KIAA1958: variants seen among roughly 807,000 people sequenced by gnomAD.
KIAA1958 encodes the protein KIAA1958.
KIAA1958 carries 14 observed loss-of-function variants against 47.2 expected under a neutral mutation model. The ratio of observed to expected loss-of-function variants is 0.30; its 90% CI spans 0.20 to 0.46. KIAA1958 has a LOEUF of 0.46. Among genes scored for constraint, KIAA1958 ranks in the 20% least tolerant of loss-of-function variants. KIAA1958 has a pLI of 1.00. For missense variants in KIAA1958, 803 were observed against 909.2 expected (o/e 0.88, Z 1.50); for synonymous variants, 354 against 353.3 (o/e 1.00, Z -0.02).
intron 1 of KIAA1958, among the ~76,000 whole-genome samples, chr9:112,543,214 G>GTTT (rs1165702930): frequency 2.7e-5 from 3 of 112,098 alleles, no homozygotes; most frequent in African/African-American, 6.8e-5. Context: ...TAGCCTATTT[G>GTTT]TTTTTGTTGT....
intron 2 of KIAA1958, among the ~76,000 whole-genome samples, chr9:112,575,696 C>T (rs531923367): frequency 4.6e-5 from 7 of 152,080 alleles, no homozygotes; most frequent in African/African-American, 1.2e-4. Context: ...GCCAACTTGA[C>T]GTTGCTATTC....
At chr9:112,545,327 C>A (rs947103922) in intron 1 of KIAA1958, among the ~76,000 whole-genome samples, 2 of 152,142 alleles carry the variant, frequency 1.3e-5, no homozygotes, top group African/African-American at 4.8e-5. Flanking sequence ...TACCTATATT[C>A]ACCTTTTGAC....
At chr9:112,601,101 G>A (rs62568632) in intron 2 of KIAA1958, among the ~76,000 whole-genome samples, 1 of 152,072 alleles carries the variant, frequency 6.6e-6, no homozygotes, top group African/African-American at 2.4e-5. Flanking sequence ...CCCTGAAAGG[G>A]GTCAGCTAAG....
rs1417308485 is a variant in KIAA1958 at position 112,661,417 on chromosome 9, T to C, written c.*1348T>C. 1 of 152,078 alleles carries C rather than the reference T, an allele frequency of 6.6e-6. No homozygotes were observed. The highest frequency in any genetic ancestry group is 2.4e-5 in the African/African-American group (1 of 41,306). The allele number at this position is 152,078 out of a possible 1,614,324, so 9.4% of individuals were successfully genotyped here. ...CAATAATTTCTAGGGACCTTGACTT[T>C]GCATTTGAGGAAAATCTTGTGTAAC... On this transcript the variant is annotated 3_prime_UTR_variant, in exon 4 of 4. Transcript: ENST00000337530.
rs1005394731 is a variant in KIAA1958, at chr9:112,660,275, C to T, written c.*206C>T. On this transcript the variant is annotated 3_prime_UTR_variant, in exon 4 of 4. Coordinates refer to ENST00000337530, the MANE Select transcript of KIAA1958 (RefSeq NM_133465.4). ...GTCTAAATCATTCGGATGGTTTATC[C>T]AAATGTGCGTCAACTTCGTTAGCTT... 44 of 578,688 alleles carry T rather than the reference C, an allele frequency of 7.6e-5. No individual in the cohort carries two copies. Among genetic ancestry groups the T allele is most frequent in the Non-Finnish European group, 1.2e-4 (40 of 324,584 alleles). 35.8% of individuals were successfully genotyped at this position (578,688 alleles called of 1,614,324 possible). A position where few individuals can be genotyped will look rare whatever the true frequency, so the allele number is the denominator to read the frequency against.
chr9:112,634,970 A>T (rs530253836), intron 2 of KIAA1958, among the ~76,000 whole-genome samples: 3 of 151,644 alleles, frequency 2.0e-5, no homozygotes, highest in Admixed American at 6.6e-5. Context: ...TTTTTTGTTT[A>T]TGATGTGAGG....
At chr9:112,541,405 C>T (rs1306611472) in intron 1 of KIAA1958, among the ~76,000 whole-genome samples, 1 of 150,928 alleles carries the variant, frequency 6.6e-6, no homozygotes, top group African/African-American at 2.4e-5. Flanking sequence ...AAAAATAATA[C>T]CCAAAGGTAG....
intron 1 of KIAA1958, among the ~76,000 whole-genome samples, chr9:112,572,835 A>T (rs920609254): frequency 6.6e-6 from 1 of 152,180 alleles, no homozygotes; most frequent in African/African-American, 2.4e-5. Context: ...AAGGATTTGA[A>T]CTTACCTAAC....
In KIAA1958 at chr9:112,643,746, A is replaced by G. The variant is rs74532580; in HGVS notation, c.1172-1904A>G. Among the ~76,000 whole-genome samples, 480 of 152,340 alleles carry G rather than the reference A, an allele frequency of 3.2e-3. 5 individuals carry two copies. Among genetic ancestry groups the G allele is most frequent in the African/African-American group, 0.011 (451 of 41,570 alleles). ...AAGAGACCTTCTGGACACAATGAGA[A>G]CACACTCCTAAAAAATAGTAAAGCA... On this transcript the variant is annotated intron_variant, in intron 2 of 3. Transcript: ENST00000337530.
At chr9:112,638,695 TTCTC>T (rs999036698) in intron 2 of KIAA1958, among the ~76,000 whole-genome samples, 22 of 152,190 alleles carry the variant, frequency 1.4e-4, no homozygotes, top group African/African-American at 4.8e-4. Flanking sequence ...TACTTCCCCA[TTCTC>T]TCTTCTCTTT....
chr9:112,520,271 A>C (rs527501799), intron 1 of KIAA1958, among the ~76,000 whole-genome samples: 1 of 152,384 alleles, frequency 6.6e-6, no homozygotes, highest in East Asian at 1.9e-4. Flanking sequence ...GAGTAGAAGC[A>C]CTACCTTCAG....
intron 3 of KIAA1958, among the ~76,000 whole-genome samples, chr9:112,650,753 G>T (rs1271940772): frequency 1.3e-5 from 2 of 152,146 alleles, no homozygotes. Flanking sequence ...TGTCGGACTG[G>T]ATTTTTTAAA....
At chr9:112,560,386 G>A (rs1835307418) in intron 1 of KIAA1958, among the ~76,000 whole-genome samples, 1 of 151,684 alleles carries the variant, frequency 6.6e-6, no homozygotes. Flanking sequence ...ATGTTTTATA[G>A]AGAAAGGGTC....
chr9:112,547,032 AAGC>A (rs143758155), intron 1 of KIAA1958, among the ~76,000 whole-genome samples: 144,706 of 151,602 alleles, frequency 0.95, 69,133 homozygotes, highest in African/African-American at 0.99. Flanking sequence ...TCCTGGGTTC[AAGC>A]GATTCTCCTG....
chr9:112,515,353 T>C (rs1834407078), intron 1 of KIAA1958, among the ~76,000 whole-genome samples: 1 of 145,362 alleles, frequency 6.9e-6, no homozygotes, highest in Non-Finnish European at 1.5e-5. Flanking sequence ...GAGGAGCCCC[T>C]CTGCCCGGCC....
intron 2 of KIAA1958, chr9:112,619,139 A>T (rs1836456183): frequency 3.7e-6 from 1 of 268,694 alleles, no homozygotes; most frequent in Non-Finnish European, 5.9e-6. Flanking sequence ...GGGCGATCAA[A>T]TGTAATTACT....
chr9:112,641,418 C>CA (rs796996558), intron 2 of KIAA1958, among the ~76,000 whole-genome samples: 1 of 75,696 alleles, frequency 1.3e-5, no homozygotes, highest in Non-Finnish European at 2.7e-5. Flanking sequence ...CTCTTGGTGG[C>CA]TTTTTTTTTT....
At chr9:112,649,928 T>C (rs550858836) in intron 3 of KIAA1958, among the ~76,000 whole-genome samples, 17 of 152,236 alleles carry the variant, frequency 1.1e-4, no homozygotes, top group African/African-American at 3.6e-4. Context: ...TTACTGGAAA[T>C]GATAGCTACA....
intron 1 of KIAA1958, among the ~76,000 whole-genome samples, chr9:112,497,525 ACTT>A (rs1427279921): frequency 6.6e-6 from 1 of 152,106 alleles, no homozygotes; most frequent in Admixed American, 6.5e-5. Context: ...CAGAAAATAA[ACTT>A]CTGTTGTTTC....
Sources: allele counts gnomAD v4.1 joint callset (sites outside exome capture counted in the v4.1 genomes callset), GRCh38; gene constraint gnomAD v4.1.1; transcripts MANE v1.5; gene names NCBI Gene and HGNC (gene_info 2026-07-23, HGNC 2026-07-21).